CEP128: variants seen among roughly 807,000 people sequenced by gnomAD.
CEP128 encodes the protein centrosomal protein 128.
A neutral mutation model predicts 156.7 loss-of-function variants in CEP128; 132 were observed. The ratio of observed to expected loss-of-function variants is 0.84; its 90% CI spans 0.73 to 0.97. The LOEUF (loss-of-function observed/expected upper bound fraction) is 0.97. Ranked by LOEUF, CEP128 falls within the 50% of genes least tolerant of loss-of-function variation. The pLI is 0.00. For synonymous variants in CEP128, 469 were observed against 448.9 expected (o/e 1.04, Z -0.57); for missense variants, 1,252 against 1,281.9 (o/e 0.98, Z 0.36).
chr14:80,485,120 C>T (rs1399801037), intron 14 of CEP128, among the ~76,000 whole-genome samples: 2 of 152,088 alleles, frequency 1.3e-5, no homozygotes, highest in African/African-American at 2.4e-5. Context: ...AGAAGTTCAG[C>T]CCATATCCAG....
At chr14:80,944,257 T>C (rs554978468), upstream of CEP128, among the ~76,000 whole-genome samples, 1 of 152,332 alleles carries the variant, frequency 6.6e-6, no homozygotes, top group Non-Finnish European at 1.5e-5. Flanking sequence ...TGATATGGTC[T>C]GGCTCTGTGT....
chr14:80,639,633 A>AATTAACAC (rs1341004822), intron 19 of CEP128, among the ~76,000 whole-genome samples: 1 of 152,156 alleles, frequency 6.6e-6, no homozygotes. Context: ...ATTTGTCTAA[A>AATTAACAC]ATTAACACAT....
At chr14:80,577,563 C>T (rs956208941) in intron 20 of CEP128, among the ~76,000 whole-genome samples, 4 of 152,144 alleles carry the variant, frequency 2.6e-5, no homozygotes, top group Non-Finnish European at 5.9e-5. Flanking sequence ...GTCACCCACT[C>T]CTCTTCATGC....
At chr14:80,935,538 C>T (rs1015850764) in intron 2 of CEP128, among the ~76,000 whole-genome samples, 14 of 146,534 alleles carry the variant, frequency 9.6e-5, no homozygotes, top group Admixed American at 4.2e-4. Context: ...TGGAGTAAGA[C>T]AGAGTAAGAG....
At chr14:80,889,597 C>T (rs1888983769) in intron 8 of CEP128, among the ~76,000 whole-genome samples, 1 of 152,106 alleles carries the variant, frequency 6.6e-6, no homozygotes, top group Non-Finnish European at 1.5e-5. Flanking sequence ...AAACTGAACC[C>T]CTTCCTTACA....
chr14:80,799,380 T>G (rs530267053), intron 13 of CEP128, among the ~76,000 whole-genome samples: 1 of 152,214 alleles, frequency 6.6e-6, no homozygotes, highest in Admixed American at 6.5e-5. Flanking sequence ...ACTGTGATAA[T>G]TGTGTTAAGC....
At chr14:80,925,910 G>A (rs1224134947) in intron 2 of CEP128, among the ~76,000 whole-genome samples, 1 of 152,130 alleles carries the variant, frequency 6.6e-6, no homozygotes, top group African/African-American at 2.4e-5. Context: ...CCTACCTAGC[G>A]CTGGTGCTAC....
intron 21 of CEP128, among the ~76,000 whole-genome samples, chr14:80,549,680 A>G (rs1455384109): frequency 1.3e-5 from 2 of 152,208 alleles, no homozygotes; most frequent in East Asian, 1.9e-4. Context: ...TGAGTTGTAC[A>G]GCGGCACTTT....
chr14:80,747,290 T>A (rs1392988702), intron 18 of CEP128, among the ~76,000 whole-genome samples: 1 of 152,160 alleles, frequency 6.6e-6, no homozygotes, highest in Non-Finnish European at 1.5e-5. Flanking sequence ...TAGAAATTAC[T>A]CATAGCAGCA....
chr14:80,517,646 G>T (rs1003403467), intron 23 of CEP128, among the ~76,000 whole-genome samples: 10 of 152,044 alleles, frequency 6.6e-5, no homozygotes, highest in Admixed American at 5.9e-4. Context: ...GTTACTGGGG[G>T]TCCTTGTTCT....
chr14:80,958,263 A>G (rs534867139), exon 2 of CEP128: 1 of 152,180 alleles, frequency 6.6e-6, no homozygotes, highest in Non-Finnish European at 1.5e-5. Context: ...TGATGTTATT[A>G]TGCTCATTTT....
chr14:80,515,066 T>A (rs1477964030), intron 23 of CEP128, among the ~76,000 whole-genome samples: 2 of 152,212 alleles, frequency 1.3e-5, no homozygotes, highest in Admixed American at 6.5e-5. Flanking sequence ...TCTCTTCCCC[T>A]AATTTCTGCC....
At chr14:80,635,738 C>T (rs7157843) in intron 19 of CEP128, among the ~76,000 whole-genome samples, 44,587 of 152,038 alleles carry the variant, frequency 0.29, 8,491 homozygotes, top group African/African-American at 0.53. Context: ...AAGGTTGAGC[C>T]TCCCTACTGT....
At chr14:80,566,327 G>A (rs559111379) in intron 20 of CEP128, among the ~76,000 whole-genome samples, 12 of 152,048 alleles carry the variant, frequency 7.9e-5, no homozygotes, top group African/African-American at 2.4e-4. Context: ...AATCCATTAC[G>A]TTTTAAAAAT....
At chr14:80,580,296 T>C (rs1595038594) in intron 20 of CEP128, 78 bp downstream of exon 20, 1 of 903,806 alleles carries the variant, frequency 1.1e-6, no homozygotes, top group Admixed American at 1.8e-5. Context: ...CCAGTGTGAA[T>C]GTGACAATAA....
intron 19 of CEP128, among the ~76,000 whole-genome samples, chr14:80,641,555 G>A (rs1382520991): frequency 6.6e-6 from 1 of 152,216 alleles, no homozygotes; most frequent in East Asian, 1.9e-4. Context: ...GTGCCTGGTA[G>A]AAAGTATGCA....
At chr14:80,540,848 G>A (rs1049803662) in intron 21 of CEP128, among the ~76,000 whole-genome samples, 1 of 152,042 alleles carries the variant, frequency 6.6e-6, no homozygotes, top group African/African-American at 2.4e-5. Flanking sequence ...AAAATTTACA[G>A]GGAGAATAGG....
At position 80,678,602 on chromosome 14, in the gene CEP128, C is replaced by T. The variant is rs561381827; in HGVS notation, c.2806+64473G>A. Among the ~76,000 whole-genome samples, 21 of 152,300 alleles carry T rather than the reference C, an allele frequency of 1.4e-4. 1 individual carries two copies. The East Asian group carries it at 3.5e-3, about 25-fold the overall frequency. On this transcript the variant is annotated intron_variant, in intron 19 of 24. Transcript: ENST00000555265. ...GGAGAAGAATGCAGACAAACAGCCC[C>T]TGTGACTCAAACAGCTGGTAACAGT...
chr14:80,511,604 C>T (rs1888261661), intron 23 of CEP128, among the ~76,000 whole-genome samples: 1 of 151,774 alleles, frequency 6.6e-6, no homozygotes, highest in African/African-American at 2.4e-5. Context: ...TATATCTACT[C>T]TGATCTTCAT....
Sources: allele counts gnomAD v4.1 joint callset (sites outside exome capture counted in the v4.1 genomes callset), GRCh38; gene constraint gnomAD v4.1.1; transcripts MANE v1.5; gene names NCBI Gene and HGNC (gene_info 2026-07-23, HGNC 2026-07-21).